LRRC4C: variants seen among roughly 807,000 people sequenced by gnomAD.
LRRC4C encodes leucine rich repeat containing 4C.
A neutral mutation model predicts 33.6 loss-of-function variants in LRRC4C; 5 were observed. The ratio of observed to expected loss-of-function variants is 0.15; its 90% CI spans 0.08 to 0.31. The LOEUF is 0.31. LRRC4C is among the 10% of genes least tolerant of loss of function. LRRC4C has a pLI of 1.00. For synonymous variants in LRRC4C, 329 were observed against 302.0 expected (o/e 1.09, Z -0.93); for missense variants, 560 against 796.7 (o/e 0.70, Z 3.58).
At position 40,574,202 on chromosome 11, in the gene LRRC4C, T is replaced by C. The variant is rs189599890; in HGVS notation, c.-270+73940A>G. ...CAAGGACTCCTTCCATCTTTATCTA[T>C]GCTAGGAAGACTTTCTTTGCTCTCA... is the stretch of plus-strand genomic sequence containing the variant. On this transcript the variant is annotated intron_variant, in intron 3 of 6. Coordinates refer to ENST00000528697, the MANE Select transcript of LRRC4C (RefSeq NM_001258419.2). Among the ~76,000 whole-genome samples, 117 of 152,330 alleles carry C rather than the reference T, an allele frequency of 7.7e-4. No individual in the cohort carries two copies. In the Middle Eastern group the frequency reaches 0.02, roughly 27 times the overall value.
chr11:41,174,851 T>A lies in LRRC4C; in HGVS notation c.-495-241128A>T, dbSNP rs536996242. Among the ~76,000 whole-genome samples, 4 of 152,256 alleles carry A rather than the reference T, an allele frequency of 2.6e-5. No individual in the cohort carries two copies. In the East Asian group the frequency reaches 7.7e-4, roughly 29 times the overall value. ...TTAGAAAAGCACCTCAAATCCATCA[T>A]TTCTAAAACTGAACCATTTTTCTTT... On this transcript the variant is annotated intron_variant, in intron 1 of 6. Transcript: ENST00000528697.
rs540044671 is a variant in LRRC4C, at chr11:40,395,985, C to CA, written c.-269-76265dup. ...CAGGCAACAGAGTGAGACTCTGTCA[C>CA]AAAAAATTTAATTTTAAAAAATACA... On this transcript the variant is annotated intron_variant, in intron 3 of 6. Transcript: ENST00000528697. 1.2e-4 allele frequency among the ~76,000 whole-genome samples: 18 copies of CA among 152,026 alleles called. No homozygotes were observed. The South Asian group carries it at 3.5e-3, about 30-fold the overall frequency.
chr11:40,336,558 T>A (rs1946612684), intron 3 of LRRC4C, among the ~76,000 whole-genome samples: 1 of 152,184 alleles, frequency 6.6e-6, no homozygotes, highest in African/African-American at 2.4e-5. Flanking sequence ...TCTACTGTAT[T>A]ACGCTGTTAA....
intron 4 of LRRC4C, among the ~76,000 whole-genome samples, chr11:40,258,869 C>T (rs1017703711): frequency 8.5e-5 from 13 of 152,274 alleles, no homozygotes; most frequent in African/African-American, 2.4e-4. Context: ...GATCTAGAAA[C>T]CAACACATCA....
intron 4 of LRRC4C, among the ~76,000 whole-genome samples, chr11:40,309,486 C>T (rs1261173942): frequency 1.3e-5 from 2 of 150,172 alleles, no homozygotes; most frequent in African/African-American, 4.9e-5. Context: ...TTTGAGTGAA[C>T]ACGACAGAGA....
chr11:40,213,132 A>G (rs963271925), intron 5 of LRRC4C, among the ~76,000 whole-genome samples: 3 of 152,134 alleles, frequency 2.0e-5, no homozygotes, highest in African/African-American at 7.2e-5. Context: ...ATTTCGCAGA[A>G]TGCAGCTGGG....
intron 1 of LRRC4C, among the ~76,000 whole-genome samples, chr11:41,040,681 T>C (rs554549045): frequency 2.6e-5 from 4 of 152,190 alleles, no homozygotes; most frequent in Non-Finnish European, 4.4e-5. Flanking sequence ...AAACTAAAAG[T>C]ACATACACTG....
intron 2 of LRRC4C, among the ~76,000 whole-genome samples, chr11:40,737,988 A>T (rs1947968344): frequency 6.6e-6 from 1 of 152,174 alleles, no homozygotes; most frequent in Non-Finnish European, 1.5e-5. Context: ...AGGCTACAGT[A>T]ACCAAAACAG....
intron 1 of LRRC4C, among the ~76,000 whole-genome samples, chr11:41,273,796 T>C (rs1949393424): frequency 6.6e-6 from 1 of 152,200 alleles, no homozygotes. Context: ...GTGATGGATA[T>C]GTTCAGTACC....
intron 5 of LRRC4C, among the ~76,000 whole-genome samples, chr11:40,170,374 C>A (rs770048141): frequency 2.0e-5 from 3 of 152,108 alleles, no homozygotes; most frequent in African/African-American, 4.8e-5. Flanking sequence ...AGGGCTCACT[C>A]GGTGAAAACA....
chr11:40,170,655 T>C (rs1036317082), intron 5 of LRRC4C, among the ~76,000 whole-genome samples: 1 of 152,166 alleles, frequency 6.6e-6, no homozygotes, highest in African/African-American at 2.4e-5. Flanking sequence ...ATCCAAGGAT[T>C]GTAAAATCTT....
intron 1 of LRRC4C, among the ~76,000 whole-genome samples, chr11:41,307,160 A>C (rs1421713789): frequency 6.6e-6 from 1 of 152,142 alleles, no homozygotes; most frequent in East Asian, 1.9e-4. Flanking sequence ...GCTGAAGGGG[A>C]AAAAGTCAAA....
intron 3 of LRRC4C, among the ~76,000 whole-genome samples, chr11:40,361,165 A>ATTC (rs1947930903): frequency 6.6e-6 from 1 of 152,198 alleles, no homozygotes; most frequent in Admixed American, 6.5e-5. Context: ...ACCTGGAAGC[A>ATTC]TTCCCCTTGC....
chr11:40,822,584 C>T (rs1236082140), intron 2 of LRRC4C, among the ~76,000 whole-genome samples: 4 of 151,598 alleles, frequency 2.6e-5, no homozygotes, highest in Non-Finnish European at 5.9e-5. Flanking sequence ...AATTCCGTGT[C>T]AGTTGGAAAG....
chr11:40,575,190 TGTGA>T (rs1030216230), intron 3 of LRRC4C, among the ~76,000 whole-genome samples: 40 of 152,242 alleles, frequency 2.6e-4, no homozygotes, highest in African/African-American at 9.2e-4. Context: ...CATGAATGCA[TGTGA>T]GTGAGTGAAA....
chr11:41,425,007 A>G (rs1397769229), intron 1 of LRRC4C, among the ~76,000 whole-genome samples: 1 of 152,124 alleles, frequency 6.6e-6, no homozygotes, highest in Non-Finnish European at 1.5e-5. Flanking sequence ...AAAAATTAAA[A>G]TGTACAAGAT....
At chr11:40,178,286 C>T (rs992420033) in intron 5 of LRRC4C, among the ~76,000 whole-genome samples, 1 of 152,070 alleles carries the variant, frequency 6.6e-6, no homozygotes, top group East Asian at 1.9e-4. Flanking sequence ...TTCTGCCTAC[C>T]TAAACTGGGT....
At chr11:40,745,543 T>G (rs1245062512) in intron 2 of LRRC4C, among the ~76,000 whole-genome samples, 1 of 152,168 alleles carries the variant, frequency 6.6e-6, no homozygotes, top group African/African-American at 2.4e-5. Context: ...AAACAACTTC[T>G]GGGTGGGACA....
chr11:40,349,331 G>A (rs11035794), intron 3 of LRRC4C, among the ~76,000 whole-genome samples: 24,288 of 151,876 alleles, frequency 0.16, 2,268 homozygotes, highest in East Asian at 0.3. Flanking sequence ...TTGTCTTTCC[G>A]TGTCAGGCTT....
Sources: allele counts gnomAD v4.1 joint callset (sites outside exome capture counted in the v4.1 genomes callset), GRCh38; gene constraint gnomAD v4.1.1; transcripts MANE v1.5; gene names NCBI Gene and HGNC (gene_info 2026-07-23, HGNC 2026-07-21).